Variants in ENTPD4 observed in about 807,000 individuals in gnomAD.
The protein encoded by ENTPD4 is ectonucleoside triphosphate diphosphohydrolase 4.
Under a neutral mutation model 79.1 loss-of-function variants are expected in ENTPD4, and 60 were observed. The observed-to-expected ratio is 0.76, with a 90% confidence interval of 0.62 to 0.94. ENTPD4 has a LOEUF of 0.94. Ranked by LOEUF, ENTPD4 falls within the 40% of genes least tolerant of loss-of-function variation. The probability of loss-of-function intolerance (pLI) is 0.00; values close to 1 mark genes in which losing one functional copy is unlikely to be tolerated. For synonymous variants in ENTPD4, 276 were observed against 292.0 expected (o/e 0.95, Z 0.56); for missense variants, 772 against 775.1 (o/e 1.00, Z 0.05).
intron 1 of ENTPD4, among the ~76,000 whole-genome samples, chr8:23,453,365 G>T (rs1249276671): frequency 6.6e-6 from 1 of 152,128 alleles, no homozygotes; most frequent in East Asian, 1.9e-4. Flanking sequence ...TAAAACTTCT[G>T]TGTGCTTAAA....
At chr8:23,455,410 C>T (rs1436390760) in intron 1 of ENTPD4, among the ~76,000 whole-genome samples, 3 of 152,164 alleles carry the variant, frequency 2.0e-5, no homozygotes, top group African/African-American at 7.2e-5. Flanking sequence ...CAGCGTTTTG[C>T]AAGAAACAAC....
intron 6 of ENTPD4, among the ~76,000 whole-genome samples, chr8:23,443,547 G>A (rs1800710630): frequency 6.6e-6 from 1 of 152,084 alleles, no homozygotes; most frequent in Admixed American, 6.5e-5. Flanking sequence ...AATGATCAAC[G>A]TCCCAGGAAG....
At chr8:23,453,876 T>C (rs1475174987) in intron 1 of ENTPD4, among the ~76,000 whole-genome samples, 4 of 152,228 alleles carry the variant, frequency 2.6e-5, no homozygotes, top group Non-Finnish European at 5.9e-5. Context: ...CTGTTACTAA[T>C]GTCCACTGTG....
Position 23,431,661 on chromosome 8 carries a change from C to A in ENTPD4, c.*1265G>T. On this transcript the variant is annotated 3_prime_UTR_variant, in exon 13 of 13. Coordinates refer to ENST00000358689, the MANE Select transcript of ENTPD4 (RefSeq NM_004901.5). Reference sequence around the variant, plus strand: ...AGGCTGTGCATGGGGTCTCCCAGTACGATTAAAAGCTGAGATGACTTTTAA... The same window carrying A: ...AGGCTGTGCATGGGGTCTCCCAGTAAGATTAAAAGCTGAGATGACTTTTAA... 1 of 985,008 alleles carries A rather than the reference C, an allele frequency of 1.0e-6. No homozygotes were observed. The highest frequency in any genetic ancestry group is 1.2e-6 in the Non-Finnish European group (1 of 829,888). The allele number at this position is 985,008 out of a possible 1,614,324, so 61.0% of individuals were successfully genotyped here.
At chr8:23,446,355 A>G (rs1466033262) in intron 4 of ENTPD4, among the ~76,000 whole-genome samples, 2 of 152,210 alleles carry the variant, frequency 1.3e-5, no homozygotes, top group Non-Finnish European at 2.9e-5. Context: ...GTGAAGCTAG[A>G]TGAAATGTAA....
chr8:23,443,294 C>A (rs1393555123), intron 6 of ENTPD4, among the ~76,000 whole-genome samples: 2 of 152,174 alleles, frequency 1.3e-5, no homozygotes, highest in Admixed American at 1.3e-4. Flanking sequence ...AGCTGAATAG[C>A]AATGTGTAAA....
intron 1 of ENTPD4, among the ~76,000 whole-genome samples, chr8:23,455,178 G>A (rs976788415): frequency 6.6e-6 from 1 of 152,278 alleles, no homozygotes; most frequent in Admixed American, 6.5e-5. Context: ...AACCACAAAG[G>A]GAAATGGTTC....
In ENTPD4 at chr8:23,439,908, ACTT is replaced by A; in HGVS notation, c.887_889del (p.Glu296del). On this transcript the variant is annotated inframe_deletion, in exon 9 of 13. Coordinates refer to ENST00000358689, the MANE Select transcript of ENTPD4 (RefSeq NM_004901.5). ...AAATTCAGCTAACAAGTTTTTAGCT[ACTT>A]CTTCCTGCAGACATAAGCATAACAA... 6.2e-7 allele frequency: 1 copy of A among 1,613,760 alleles called. No homozygotes were observed. Among genetic ancestry groups the A allele is most frequent in the Non-Finnish European group, 8.5e-7 (1 of 1,179,588 alleles).
In ENTPD4 at chr8:23,430,339, G is replaced by A. The variant is rs931704326; in HGVS notation, c.*2587C>T. 12 of 985,296 alleles carry A rather than the reference G, an allele frequency of 1.2e-5. No homozygotes were observed. Among genetic ancestry groups the A allele is most frequent in the South Asian group, 4.7e-5 (1 of 21,292 alleles). 61.0% of individuals were successfully genotyped at this position (985,296 alleles called of 1,614,324 possible). ...AACTCATCTTGAAAATAATCTAGAC[G>A]GAAAAATCCGAAGTGAAATTCTGGT... On this transcript the variant is annotated 3_prime_UTR_variant, in exon 13 of 13. Transcript: ENST00000358689.
chr8:23,434,280 AT>A, intron 12 of ENTPD4, 36 bp downstream of exon 12: 1 of 1,606,460 alleles, frequency 6.2e-7, no homozygotes, highest in East Asian at 2.2e-5. Flanking sequence ...GCAGAAAAGC[AT>A]CTTTTTGATT....
chr8:23,456,782 C>T (rs978595916), intron 1 of ENTPD4, among the ~76,000 whole-genome samples: 6 of 152,192 alleles, frequency 3.9e-5, no homozygotes, highest in Non-Finnish European at 8.8e-5. Flanking sequence ...GTATTTTCAT[C>T]ACAAAAAGGA....
rs1800423555 is a variant in ENTPD4 at position 23,429,749 on chromosome 8, C to T, written c.*3177G>A. 1.4e-5 allele frequency: 14 copies of T among 985,374 alleles called. No individual in the cohort carries two copies. Among genetic ancestry groups the T allele is most frequent in the African/African-American group, 1.7e-5 (1 of 57,252 alleles). The allele number at this position is 985,374 out of a possible 1,614,324, so 61.0% of individuals were successfully genotyped here. A position where few individuals can be genotyped will look rare whatever the true frequency, so the allele number is the denominator to read the frequency against. ...GTGGCTGGGCAGGGGCCCCATGTTA[C>T]TGGCCTCAGCCACCAGCAGCGTCTT... On this transcript the variant is annotated 3_prime_UTR_variant, in exon 13 of 13. Coordinates refer to ENST00000358689, the MANE Select transcript of ENTPD4 (RefSeq NM_004901.5).
chr8:23,446,914 T>A (rs1168705855), intron 4 of ENTPD4, among the ~76,000 whole-genome samples: 2 of 152,240 alleles, frequency 1.3e-5, no homozygotes, highest in Non-Finnish European at 2.9e-5. Context: ...CATTTGATAT[T>A]TTACTATTTT....
chr8:23,436,212 C>T (rs1236789501), intron 10 of ENTPD4, among the ~76,000 whole-genome samples: 4 of 152,158 alleles, frequency 2.6e-5, no homozygotes, highest in African/African-American at 4.8e-5. Flanking sequence ...CAGTGCTCTG[C>T]GCTTCGAGAT....
Position 23,435,482 on chromosome 8 carries a change from A to G in ENTPD4, c.1375-5T>C, listed in dbSNP as rs1800541518. 5.6e-6 allele frequency: 9 copies of G among 1,611,104 alleles called. No individual in the cohort carries two copies. In the East Asian group the frequency reaches 2.0e-4, roughly 36 times the overall value. ...CCACTTTGTTGCACAATAATCCTGAAAACAAATTCACCAAAATAGATCACT... is the reference window on the plus strand; with the variant it reads ...CCACTTTGTTGCACAATAATCCTGAGAACAAATTCACCAAAATAGATCACT... On this transcript the variant is annotated splice_polypyrimidine_tract_variant and splice_region_variant and intron_variant, in intron 10 of 12. Transcript: ENST00000358689.
chr8:23,446,406 G>A (rs943750405), intron 4 of ENTPD4, among the ~76,000 whole-genome samples: 12 of 152,040 alleles, frequency 7.9e-5, no homozygotes, highest in African/African-American at 2.9e-4. Flanking sequence ...TTTTTTATTT[G>A]ATCAATATTA....
At chr8:23,439,407 GCT>G (rs1800628782) in intron 9 of ENTPD4, among the ~76,000 whole-genome samples, 1 of 152,186 alleles carries the variant, frequency 6.6e-6, no homozygotes, top group South Asian at 2.1e-4. Flanking sequence ...CACCACGAGT[GCT>G]CCAGATACTG....
At chr8:23,447,535 A>G (rs1800782659) in intron 4 of ENTPD4, 145 bp downstream of exon 4, 1 of 696,176 alleles carries the variant, frequency 1.4e-6, no homozygotes, top group African/African-American at 1.8e-5. Context: ...AGAAAAGGGA[A>G]AAGAAAGTGA....
intron 11 of ENTPD4, 62 bp downstream of exon 11, chr8:23,435,330 G>A (rs1800537027): frequency 9.2e-6 from 11 of 1,194,876 alleles, no homozygotes; most frequent in African/African-American, 1.5e-5. Flanking sequence ...TGGCAAGCCA[G>A]TGGGGCCAAC....
Sources: allele counts gnomAD v4.1 joint callset (sites outside exome capture counted in the v4.1 genomes callset), GRCh38; gene constraint gnomAD v4.1.1; transcripts MANE v1.5; gene names NCBI Gene and HGNC (gene_info 2026-07-23, HGNC 2026-07-21).